The following PLCXD3 variants were observed in gnomAD, a reference collection of about 807,000 sequenced individuals.
PLCXD3 encodes the protein phosphatidylinositol specific phospholipase C X domain containing 3, also known as PI-PLC X domain-containing protein 3.
In PLCXD3, 19 loss-of-function variants were observed where a neutral mutation model predicts 25.5. The ratio of observed to expected loss-of-function variants is 0.75; its 90% CI spans 0.52 to 1.09. The LOEUF is 1.09. PLCXD3 is among the 50% of genes least tolerant of loss of function. The pLI, the probability that PLCXD3 is intolerant of heterozygous loss-of-function variation, is 0.00. For synonymous variants in PLCXD3, 174 were observed against 137.6 expected, an observed-to-expected ratio of 1.26 and a Z score of -1.85; for missense variants, 411 against 388.1, an observed-to-expected ratio of 1.06 and a Z score of -0.50.
chr5:41,479,066 G>A (rs1218993633), intron 1 of PLCXD3, among the ~76,000 whole-genome samples: 1 of 152,060 alleles, frequency 6.6e-6, no homozygotes, highest in Non-Finnish European at 1.5e-5. Flanking sequence ...AGGACACAGA[G>A]CCAAATCATA....
At chr5:41,466,764 A>T (rs1340679396) in intron 1 of PLCXD3, among the ~76,000 whole-genome samples, 8 of 152,046 alleles carry the variant, frequency 5.3e-5, no homozygotes, top group African/African-American at 1.9e-4. Flanking sequence ...ACTTCTATGA[A>T]TTCAACTTTA....
At position 41,420,102 on chromosome 5, in the gene PLCXD3, G is replaced by A. The variant is rs565110998; in HGVS notation, c.104-37568C>T. Among the ~76,000 whole-genome samples, 10 of 152,150 alleles carry A rather than the reference G, an allele frequency of 6.6e-5. No homozygotes were observed. The South Asian group carries it at 1.7e-3, about 25-fold the overall frequency. ...CCAACCTTTTCAAAAAGTTTACAGG[G>A]TATAAATTATAAATAAAGACAATGA... On this transcript the variant is annotated intron_variant, in intron 1 of 2. Transcript: ENST00000377801.
chr5:41,449,256 T>C (rs1292460432), intron 1 of PLCXD3, among the ~76,000 whole-genome samples: 1 of 152,220 alleles, frequency 6.6e-6, no homozygotes, highest in African/African-American at 2.4e-5. Flanking sequence ...GCAATTTGCA[T>C]TAATGCATTT....
At chr5:41,372,806 G>C (rs1306248831) in intron 2 of PLCXD3, among the ~76,000 whole-genome samples, 1 of 152,070 alleles carries the variant, frequency 6.6e-6, no homozygotes, top group Non-Finnish European at 1.5e-5. Flanking sequence ...CATTTTGGGA[G>C]GCTGAGGCAG....
At chr5:41,357,067 G>A (rs1185652588) in intron 2 of PLCXD3, among the ~76,000 whole-genome samples, 2 of 152,216 alleles carry the variant, frequency 1.3e-5, no homozygotes, top group Non-Finnish European at 2.9e-5. Context: ...ACCTAACTCT[G>A]AGATGGGCAT....
At position 41,312,693 on chromosome 5, in the gene PLCXD3, C is replaced by CT. The variant is rs1743168452; in HGVS notation, c.*923dup. 3.6e-5 allele frequency: 4 copies of CT among 112,188 alleles called. No homozygotes were observed. The highest frequency in any genetic ancestry group is 1.1e-4 in the African/African-American group (3 of 26,304). 6.9% of individuals were successfully genotyped at this position (112,188 alleles called of 1,614,324 possible). ...CTCCCTTCCTTTCTTCCTTTCCTTCCTTCCTTCCTTCCTTCCTTCCTTCCT... is the reference window on the plus strand; with the variant it reads ...CTCCCTTCCTTTCTTCCTTTCCTTCCTTTCCTTCCTTCCTTCCTTCCTTCCT... On this transcript the variant is annotated 3_prime_UTR_variant, in exon 3 of 3. Coordinates refer to ENST00000377801, the MANE Select transcript of PLCXD3 (RefSeq NM_001005473.3).
chr5:41,435,637 C>T (rs1046587962), intron 1 of PLCXD3, among the ~76,000 whole-genome samples: 3 of 152,186 alleles, frequency 2.0e-5, no homozygotes, highest in African/African-American at 7.2e-5. Flanking sequence ...TAGTGGAAAA[C>T]AGGTGGAGAA....
chr5:41,505,698 G>C (rs644568), intron 1 of PLCXD3, among the ~76,000 whole-genome samples: 77 of 152,316 alleles, frequency 5.1e-4, no homozygotes, highest in African/African-American at 1.8e-3. Flanking sequence ...AGAAGCAGCA[G>C]GACTTTAAGG....
At chr5:41,507,534 A>G (rs1464396121) in intron 1 of PLCXD3, among the ~76,000 whole-genome samples, 1 of 152,252 alleles carries the variant, frequency 6.6e-6, no homozygotes, top group Non-Finnish European at 1.5e-5. Flanking sequence ...TTCAAACTGC[A>G]GAGATTTGAG....
chr5:41,318,516 T>C lies in PLCXD3; in HGVS notation c.813-4746A>G, dbSNP rs183484854. 2.4e-3 allele frequency among the ~76,000 whole-genome samples: 373 copies of C among 152,296 alleles called. 2 individuals carry two copies. Among genetic ancestry groups the C allele is most frequent in the African/African-American group, 8.0e-3 (331 of 41,582 alleles). On this transcript the variant is annotated intron_variant, in intron 2 of 2. Transcript: ENST00000377801. The stretch of plus-strand genomic sequence containing the variant: ...GTTTACTTATGCAAATAATGTAAAG[T>C]TGTTATCAAGTTAAAATAATGACTT...
chr5:41,318,416 T>C (rs1410711419), intron 2 of PLCXD3, among the ~76,000 whole-genome samples: 1 of 152,098 alleles, frequency 6.6e-6, no homozygotes, highest in South Asian at 2.1e-4. Context: ...CAATAAAATA[T>C]AAGTAGAAAC....
chr5:41,320,784 C>A (rs934429303), intron 2 of PLCXD3, among the ~76,000 whole-genome samples: 4 of 152,248 alleles, frequency 2.6e-5, no homozygotes, highest in African/African-American at 7.2e-5. Flanking sequence ...GCGTGAGCCA[C>A]TGCGCCCGGC....
At chr5:41,502,402 G>A (rs1028985368) in intron 1 of PLCXD3, among the ~76,000 whole-genome samples, 2 of 152,034 alleles carry the variant, frequency 1.3e-5, no homozygotes, top group Non-Finnish European at 2.9e-5. Context: ...TGTGTGCGGT[G>A]TGTGTGATTT....
chr5:41,445,839 A>T (rs1381800133), intron 1 of PLCXD3, among the ~76,000 whole-genome samples: 1 of 152,158 alleles, frequency 6.6e-6, no homozygotes, highest in Admixed American at 6.5e-5. Context: ...AATAATCATG[A>T]TAAGTAATTA....
intron 1 of PLCXD3, among the ~76,000 whole-genome samples, chr5:41,472,934 G>GAAA (rs1168536335): frequency 6.6e-6 from 1 of 151,910 alleles, no homozygotes; most frequent in Non-Finnish European, 1.5e-5. Flanking sequence ...ACATGATTTA[G>GAAA]AAAAAACTCA....
At chr5:41,333,360 T>TGG in intron 2 of PLCXD3, among the ~76,000 whole-genome samples, 1 of 152,232 alleles carries the variant, frequency 6.6e-6, no homozygotes, top group African/African-American at 2.4e-5. Context: ...AAATTTCACT[T>TGG]GAAAATGTAA....
chr5:41,494,845 T>C (rs1397013074), intron 1 of PLCXD3, among the ~76,000 whole-genome samples: 1 of 152,164 alleles, frequency 6.6e-6, no homozygotes, highest in Non-Finnish European at 1.5e-5. Context: ...CAAGGTAATC[T>C]AAGATTTCCT....
chr5:41,384,987 C>A (rs1158183155), intron 1 of PLCXD3, among the ~76,000 whole-genome samples: 3 of 151,994 alleles, frequency 2.0e-5, no homozygotes, highest in South Asian at 4.1e-4. Flanking sequence ...AAAACAGTAT[C>A]TATGCATTTT....
At chr5:41,427,813 T>C (rs900704215) in intron 1 of PLCXD3, among the ~76,000 whole-genome samples, 2 of 152,174 alleles carry the variant, frequency 1.3e-5, no homozygotes, top group African/African-American at 4.8e-5. Flanking sequence ...ACTCTTATGG[T>C]GATTTCTCAG....
Sources: allele counts gnomAD v4.1 joint callset (sites outside exome capture counted in the v4.1 genomes callset), GRCh38; gene constraint gnomAD v4.1.1; transcripts MANE v1.5; gene names NCBI Gene and HGNC (gene_info 2026-07-23, HGNC 2026-07-21).